PTPRO: variants seen among roughly 807,000 people sequenced by gnomAD.
PTPRO encodes protein tyrosine phosphatase receptor type O, also known as receptor-type tyrosine-protein phosphatase O.
In PTPRO, 62 loss-of-function variants were observed where a neutral mutation model predicts 145.2. That is an observed-to-expected ratio of 0.43 (90% CI 0.35 to 0.53). PTPRO has a LOEUF of 0.53. Ranked by LOEUF, PTPRO falls within the 20% of genes least tolerant of loss-of-function variation. The pLI is 0.01. For missense variants in PTPRO, 1,345 were observed against 1,482.7 expected, an observed-to-expected ratio of 0.91 and a Z score of 1.53; for synonymous variants, 565 against 514.7, an observed-to-expected ratio of 1.10 and a Z score of -1.32.
chr12:15,591,249 T>C (rs1474577767), intron 25 of PTPRO, among the ~76,000 whole-genome samples: 1 of 152,042 alleles, frequency 6.6e-6, no homozygotes, highest in East Asian at 1.9e-4. Context: ...TGGGCACCTG[T>C]AATCCCAGCT....
intron 1 of PTPRO, among the ~76,000 whole-genome samples, chr12:15,458,709 GT>G (rs778232862): frequency 2.0e-5 from 3 of 150,986 alleles, no homozygotes; most frequent in Non-Finnish European, 4.4e-5. Flanking sequence ...CTTTTTTAAT[GT>G]TTTCTATTTC....
At chr12:15,432,197 T>A (rs1261200523) in intron 1 of PTPRO, among the ~76,000 whole-genome samples, 2 of 152,142 alleles carry the variant, frequency 1.3e-5, no homozygotes, top group African/African-American at 4.8e-5. Flanking sequence ...TGTTCCCCTC[T>A]ATGTGTCCAT....
At chr12:15,567,975 T>G (rs1166841833) in intron 18 of PTPRO, among the ~76,000 whole-genome samples, 1 of 152,158 alleles carries the variant, frequency 6.6e-6, no homozygotes, top group Non-Finnish European at 1.5e-5. Context: ...AAATGAGTTA[T>G]TGTTATTAAG....
In PTPRO at chr12:15,322,777, G is replaced by A. The variant is rs545926860; in HGVS notation, c.51G>A (p.Leu17=). The part of the protein sequence containing the change: ...GIHGARRLLP[L]LWLFVLFKNA... ...ACGGCGCCCGCCGCCTCCTGCCTCT[G>A]CTCTGGCTCTTTGTGCTGTTCAAGG... The change falls in exon 1 of 27, where the codon CTG becomes CTA. Residue 17 remains leucine, a synonymous_variant. Transcript: ENST00000281171. The surrounding 1 kb of genome is among the most constrained non-coding windows in gnomAD (Gnocchi z 6.3). 2 of 1,612,858 alleles carry A rather than the reference G, an allele frequency of 1.2e-6. No individual in the cohort carries two copies. Among genetic ancestry groups the A allele is most frequent in the Admixed American group, 1.7e-5 (1 of 59,996 alleles).
chr12:15,350,452 C>T (rs373826097), intron 1 of PTPRO, among the ~76,000 whole-genome samples: 3 of 152,166 alleles, frequency 2.0e-5, no homozygotes, highest in African/African-American at 7.2e-5. Flanking sequence ...CACCCTACCC[C>T]CCAATTAGCT....
At chr12:15,342,413 T>A (rs933948189) in intron 1 of PTPRO, among the ~76,000 whole-genome samples, 2 of 149,276 alleles carry the variant, frequency 1.3e-5, no homozygotes, top group African/African-American at 4.8e-5. Context: ...TATTTGAGCA[T>A]AATTTATTCT....
intron 1 of PTPRO, among the ~76,000 whole-genome samples, chr12:15,389,021 G>C (rs2136284073): frequency 6.6e-6 from 1 of 151,704 alleles, no homozygotes; most frequent in South Asian, 2.1e-4. Context: ...TATTTTGATG[G>C]TATTTTTTTT....
At chr12:15,448,693 G>T (rs1161691774) in intron 1 of PTPRO, among the ~76,000 whole-genome samples, 1 of 152,064 alleles carries the variant, frequency 6.6e-6, no homozygotes, top group Non-Finnish European at 1.5e-5. Context: ...CAAAGGAAAT[G>T]AAATAAGCAA....
At chr12:15,562,476 T>C in intron 17 of PTPRO, among the ~76,000 whole-genome samples, 1 of 152,110 alleles carries the variant, frequency 6.6e-6, no homozygotes. Context: ...TTCTTGGAAA[T>C]ATATGTTCCT....
chr12:15,519,398 T>C (rs537321982), intron 9 of PTPRO, among the ~76,000 whole-genome samples: 30 of 152,278 alleles, frequency 2.0e-4, no homozygotes, highest in African/African-American at 6.5e-4. Context: ...GTTTTTTTCA[T>C]TGTTTTTGCT....
rs189259788 is a variant in PTPRO at position 15,564,390 on chromosome 12, T to C, written c.2712-1203T>C. ...ATTAGGTGAAATTCAGAGGGTAACA[T>C]GGCAGAGATTATTTTGTTTCAGTTC... is the stretch of plus-strand genomic sequence containing the variant. On this transcript the variant is annotated intron_variant, in intron 17 of 26. Coordinates refer to ENST00000281171, the MANE Select transcript of PTPRO (RefSeq NM_030667.3). Among the ~76,000 whole-genome samples, 9 of 152,318 alleles carry C rather than the reference T, an allele frequency of 5.9e-5. No individual in the cohort carries two copies. In the East Asian group the frequency reaches 1.7e-3, roughly 29 times the overall value.
intron 1 of PTPRO, among the ~76,000 whole-genome samples, chr12:15,441,249 A>G (rs754907027): frequency 2.0e-5 from 3 of 151,504 alleles, no homozygotes; most frequent in African/African-American, 4.9e-5. Flanking sequence ...TTGATCCTGA[A>G]TGACTTTTGG....
intron 1 of PTPRO, among the ~76,000 whole-genome samples, chr12:15,416,538 C>A (rs1403564568): frequency 6.6e-6 from 1 of 151,352 alleles, no homozygotes. Flanking sequence ...CCAGGATGGT[C>A]TCGATCTCCT....
At chr12:15,350,271 C>A (rs938541645) in intron 1 of PTPRO, among the ~76,000 whole-genome samples, 2 of 152,162 alleles carry the variant, frequency 1.3e-5, no homozygotes, top group Non-Finnish European at 2.9e-5. Context: ...GGCAAAATGG[C>A]AAACTGACAG....
At position 15,499,614 on chromosome 12, in the gene PTPRO, A is replaced by C. The variant is rs753437384; in HGVS notation, c.661+20A>C. 1 of 1,603,648 alleles carries C rather than the reference A, an allele frequency of 6.2e-7. No homozygotes were observed. The highest frequency in any genetic ancestry group is 8.5e-7 in the Non-Finnish European group (1 of 1,170,610). ...GAACTGGTAAGTCTCCTGAAGAATC[A>C]AATACAGTGAAAAAATAATTCAGTT... On this transcript the variant is annotated intron_variant, in intron 4 of 26. Coordinates refer to ENST00000281171, the MANE Select transcript of PTPRO (RefSeq NM_030667.3).
intron 1 of PTPRO, among the ~76,000 whole-genome samples, chr12:15,422,582 GGT>G (rs1180765642): frequency 6.6e-6 from 1 of 152,052 alleles, no homozygotes; most frequent in Non-Finnish European, 1.5e-5. Context: ...CAGATAGTAG[GGT>G]TCTCATTTTT....
intron 2 of PTPRO, among the ~76,000 whole-genome samples, chr12:15,491,937 TTGAC>T (rs781175073): frequency 1.4e-5 from 2 of 143,666 alleles, no homozygotes; most frequent in Admixed American, 7.3e-5. Context: ...TTCTTCCTGT[TTGAC>T]AAACAAACAA....
chr12:15,402,762 CTATT>C (rs1377623426), intron 1 of PTPRO, among the ~76,000 whole-genome samples: 4 of 152,018 alleles, frequency 2.6e-5, no homozygotes, highest in Non-Finnish European at 4.4e-5. Context: ...GTTATTCTAA[CTATT>C]TAATATAGTA....
chr12:15,425,016 C>T (rs1415837303), intron 1 of PTPRO, among the ~76,000 whole-genome samples: 1 of 152,136 alleles, frequency 6.6e-6, no homozygotes, highest in African/African-American at 2.4e-5. Context: ...TCAGAGACTA[C>T]AGTCAGACTG....
Sources: allele counts gnomAD v4.1 joint callset (sites outside exome capture counted in the v4.1 genomes callset), GRCh38; gene constraint gnomAD v4.1.1; non-coding constraint Gnocchi (gnomAD v3.1); transcripts MANE v1.5; gene names NCBI Gene and HGNC (gene_info 2026-07-23, HGNC 2026-07-21).